SLCO1B1: variants seen among roughly 807,000 people sequenced by gnomAD.
SLCO1B1 encodes the protein OATP-2.
A neutral mutation model predicts 70.1 loss-of-function variants in SLCO1B1; 81 were observed. That is an observed-to-expected ratio of 1.16 (90% CI 0.97 to 1.39). The LOEUF is 1.39. Ranked by LOEUF, SLCO1B1 falls within the 40% of genes most tolerant of loss-of-function variation. The probability of loss-of-function intolerance (pLI) is 0.00; values close to 1 mark genes in which losing one functional copy is unlikely to be tolerated. For missense variants in SLCO1B1, 895 were observed against 799.6 expected, an observed-to-expected ratio of 1.12 and a Z score of -1.44; for synonymous variants, 283 against 271.5, an observed-to-expected ratio of 1.04 and a Z score of -0.42.
chr12:21,200,482 TTTTC>T, intron 8 of SLCO1B1, 22 bp from the exon 9 acceptor site: 2 of 1,475,156 alleles, frequency 1.4e-6, no homozygotes, highest in Non-Finnish European at 9.2e-7. Context: ...CATTCAAATA[TTTTC>T]TTTATTTTTA....
rs545704533 is a variant in SLCO1B1, at chr12:21,238,964, T to C, written c.1866-15T>C. ...TTTAAACTGATTTATTGTTTTATTTTCTCTATTTCTACAGAAGGGTCTACT... is the reference window on the plus strand; with the variant it reads ...TTTAAACTGATTTATTGTTTTATTTCCTCTATTTCTACAGAAGGGTCTACT... On this transcript the variant is annotated splice_polypyrimidine_tract_variant and intron_variant, in intron 14 of 14. Coordinates refer to ENST00000256958, the MANE Select transcript of SLCO1B1 (RefSeq NM_006446.5). 6.2e-6 allele frequency: 9 copies of C among 1,460,484 alleles called. No individual in the cohort carries two copies. In the South Asian group the frequency reaches 1.1e-4, roughly 17 times the overall value. The allele number at this position is 1,460,484 out of a possible 1,614,324, so 90.5% of individuals were successfully genotyped here. A position where few individuals can be genotyped will look rare whatever the true frequency, so the allele number is the denominator to read the frequency against.
chr12:21,215,924 G>A (rs1941352756), intron 11 of SLCO1B1, among the ~76,000 whole-genome samples: 1 of 152,128 alleles, frequency 6.6e-6, no homozygotes, highest in South Asian at 2.1e-4. Context: ...ATTACTCTTT[G>A]TTCGTCTTGG....
At chr12:21,188,313 A>G (rs1024971144) in intron 7 of SLCO1B1, among the ~76,000 whole-genome samples, 1 of 152,028 alleles carries the variant, frequency 6.6e-6, no homozygotes, top group Admixed American at 6.6e-5. Context: ...GAGATGAGAA[A>G]GATCTTATGA....
chr12:21,158,859 C>T (rs1940575671), intron 2 of SLCO1B1, among the ~76,000 whole-genome samples: 1 of 151,910 alleles, frequency 6.6e-6, no homozygotes, highest in Non-Finnish European at 1.5e-5. Context: ...AGAATGTATA[C>T]CTTAAATACA....
At chr12:21,192,666 G>A (rs912030714) in intron 7 of SLCO1B1, among the ~76,000 whole-genome samples, 2 of 151,482 alleles carry the variant, frequency 1.3e-5, no homozygotes, top group African/African-American at 4.8e-5. Context: ...TTTGTGAGGT[G>A]TAAAATAGGT....
chr12:21,148,546 C>G (rs1211829247), intron 2 of SLCO1B1, among the ~76,000 whole-genome samples: 1 of 151,994 alleles, frequency 6.6e-6, no homozygotes, highest in East Asian at 1.9e-4. Flanking sequence ...TTTCTGAGGT[C>G]TCTGTTCTGT....
chr12:21,197,164 A>T lies in SLCO1B1; in HGVS notation c.946A>T (p.Lys316Ter). ...AACAGCTAATTTGACCAATCAAGGA[A>T]AAAATATTACCAAAAATGTGACTGG... ...DQTANLTNQG[K>*]NITKNVTGFF... Residue 316 changes from lysine (K) to a stop codon, truncating the protein, a stop_gained, in exon 8 of 15, where the codon AAA (lysine) becomes TAA (stop). Coordinates refer to ENST00000256958, the MANE Select transcript of SLCO1B1 (RefSeq NM_006446.5). LOFTEE classifies it high-confidence loss of function. 6.2e-7 allele frequency: 1 copy of T among 1,613,446 alleles called. No individual in the cohort carries two copies. The highest frequency in any genetic ancestry group is 8.5e-7 in the Non-Finnish European group (1 of 1,179,600).
At chr12:21,147,905 A>T (rs939263171) in intron 2 of SLCO1B1, among the ~76,000 whole-genome samples, 1 of 152,128 alleles carries the variant, frequency 6.6e-6, no homozygotes. Flanking sequence ...ATCGCTTCCA[A>T]CTGGCGTGAG....
chr12:21,163,156 A>G (rs552527722), intron 2 of SLCO1B1, among the ~76,000 whole-genome samples: 5 of 152,144 alleles, frequency 3.3e-5, no homozygotes, highest in Non-Finnish European at 7.4e-5. Flanking sequence ...TATTTTAATT[A>G]TACTTATTTA....
chr12:21,231,863 C>CT (rs1171017133), intron 14 of SLCO1B1, among the ~76,000 whole-genome samples: 1 of 152,008 alleles, frequency 6.6e-6, no homozygotes, highest in Non-Finnish European at 1.5e-5. Context: ...AAAAAAAATC[C>CT]TTTATATCTC....
intron 14 of SLCO1B1, among the ~76,000 whole-genome samples, chr12:21,228,761 G>A (rs1941504252): frequency 6.6e-6 from 1 of 152,122 alleles, no homozygotes; most frequent in Non-Finnish European, 1.5e-5. Context: ...TCCCAGAAAG[G>A]AATACAGCCC....
chr12:21,208,236 TG>T (rs1396444712), intron 11 of SLCO1B1, among the ~76,000 whole-genome samples: 1 of 151,978 alleles, frequency 6.6e-6, no homozygotes, highest in Non-Finnish European at 1.5e-5. Flanking sequence ...AATCTTTTCT[TG>T]GTTTTCTTCA....
intron 5 of SLCO1B1, among the ~76,000 whole-genome samples, chr12:21,177,750 T>C (rs1223319995): frequency 6.6e-6 from 1 of 151,934 alleles, no homozygotes; most frequent in Non-Finnish European, 1.5e-5. Flanking sequence ...ATAAACCTAA[T>C]AGAATAAAAC....
intron 1 of SLCO1B1, among the ~76,000 whole-genome samples, chr12:21,137,105 C>G (rs950574972): frequency 5.3e-5 from 8 of 152,168 alleles, no homozygotes; most frequent in African/African-American, 1.7e-4. Context: ...ACTGCAGACC[C>G]TGTTTGCCTG....
At chr12:21,205,737 TA>T (rs71581990) in intron 10 of SLCO1B1, 130 bp from the exon 11 acceptor site, 27,874 of 659,348 alleles carry the variant, frequency 0.042, 817 homozygotes, top group Non-Finnish European at 0.051. Flanking sequence ...TTTCTTCATA[TA>T]AAGAAAAATT....
intron 2 of SLCO1B1, among the ~76,000 whole-genome samples, chr12:21,156,735 A>G (rs907150296): frequency 6.6e-6 from 1 of 152,184 alleles, no homozygotes; most frequent in Non-Finnish European, 1.5e-5. Flanking sequence ...GGGGTACATC[A>G]TCCAATTTAC....
At chr12:21,170,376 G>A (rs1295898165) in intron 2 of SLCO1B1, among the ~76,000 whole-genome samples, 1 of 151,718 alleles carries the variant, frequency 6.6e-6, no homozygotes, top group East Asian at 1.9e-4. Flanking sequence ...TCTCACAGAG[G>A]CATTTAGTAC....
intron 14 of SLCO1B1, among the ~76,000 whole-genome samples, chr12:21,231,078 T>C (rs111359254): frequency 0.02 from 3,000 of 149,982 alleles, 98 homozygotes; most frequent in African/African-American, 0.069. Context: ...TGGCATTTGG[T>C]TTTTTTGTCC....
At chr12:21,186,238 A>T (rs939139017) in intron 7 of SLCO1B1, among the ~76,000 whole-genome samples, 2 of 152,118 alleles carry the variant, frequency 1.3e-5, no homozygotes, top group Non-Finnish European at 2.9e-5. Context: ...ACAAATGTGA[A>T]GATGTACTAT....
Sources: allele counts gnomAD v4.1 joint callset (sites outside exome capture counted in the v4.1 genomes callset), GRCh38; gene constraint gnomAD v4.1.1; transcripts MANE v1.5; gene names NCBI Gene and HGNC (gene_info 2026-07-23, HGNC 2026-07-21).